The following PNPLA8 variants were observed in gnomAD, a reference collection of about 807,000 sequenced individuals.
The protein encoded by PNPLA8 is calcium-independent phospholipase A2-gamma.
A neutral mutation model predicts 76.9 loss-of-function variants in PNPLA8; 39 were observed. The ratio of observed to expected loss-of-function variants is 0.51; its 90% confidence interval spans 0.39 to 0.66. The LOEUF is 0.66. PNPLA8 is among the 30% of genes least tolerant of loss of function. The probability of loss-of-function intolerance (pLI) is 0.00; values close to 1 mark genes in which losing one functional copy is unlikely to be tolerated. For synonymous variants in PNPLA8, 301 were observed against 307.9 expected, an observed-to-expected ratio of 0.98 and a Z score of 0.24; for missense variants, 887 against 918.0, an observed-to-expected ratio of 0.97 and a Z score of 0.44.
At chr7:108,488,172 T>C (rs1860884126) in intron 8 of PNPLA8, among the ~76,000 whole-genome samples, 1 of 152,108 alleles carries the variant, frequency 6.6e-6, no homozygotes. Flanking sequence ...ATTATGAGAA[T>C]AATAATAAAA....
chr7:108,518,422 A>G (rs983486966), intron 2 of PNPLA8: 8 of 152,110 alleles, frequency 5.3e-5, no homozygotes, highest in African/African-American at 1.9e-4. Flanking sequence ...TATCATAATG[A>G]TGGATAAATA....
chr7:108,474,391 C>T (rs1003821324), intron 10 of PNPLA8, among the ~76,000 whole-genome samples: 2 of 151,824 alleles, frequency 1.3e-5, no homozygotes, highest in Non-Finnish European at 2.9e-5. Context: ...TTTTCAGTGC[C>T]GTAAAGCATT....
At chr7:108,490,800 T>C (rs1055991698) in intron 8 of PNPLA8, among the ~76,000 whole-genome samples, 2 of 150,226 alleles carry the variant, frequency 1.3e-5, no homozygotes, top group East Asian at 3.9e-4. Flanking sequence ...AAAAAAAAAC[T>C]AGGGTAAAAA....
intron 2 of PNPLA8, among the ~76,000 whole-genome samples, chr7:108,516,187 T>G (rs1352730128): frequency 6.6e-6 from 1 of 152,164 alleles, no homozygotes; most frequent in Non-Finnish European, 1.5e-5. Context: ...AAGGGGTTCT[T>G]AACCACTATG....
intron 2 of PNPLA8, among the ~76,000 whole-genome samples, chr7:108,516,714 G>A (rs192846184): frequency 4.7e-4 from 71 of 152,136 alleles, no homozygotes; most frequent in African/African-American, 1.6e-3. Flanking sequence ...CAGCCTGGTC[G>A]GCATGGTGAA....
intron 4 of PNPLA8, among the ~76,000 whole-genome samples, chr7:108,503,367 C>A (rs886465880): frequency 5.9e-5 from 9 of 152,170 alleles, no homozygotes; most frequent in African/African-American, 1.7e-4. Flanking sequence ...TGCTGTGCAA[C>A]CTTCTGTAAA....
upstream of PNPLA8, chr7:108,526,395 T>C (rs42200): frequency 0.39 from 61,128 of 155,182 alleles, 12,548 homozygotes; most frequent in African/African-American, 0.45. Context: ...CGTGGCTTGC[T>C]GGTGGGGCGT....
At chr7:108,508,662 T>C (rs1350822178) in intron 4 of PNPLA8, among the ~76,000 whole-genome samples, 15 of 141,440 alleles carry the variant, frequency 1.1e-4, no homozygotes, top group African/African-American at 4.0e-4. Context: ...CTTCACAGAA[T>C]TGGAAAAAAC....
chr7:108,521,332 T>C (rs548527594), intron 2 of PNPLA8, 144 bp downstream of exon 2: 1 of 153,200 alleles, frequency 6.5e-6, no homozygotes, highest in South Asian at 2.1e-4. Flanking sequence ...AATGAAAGGC[T>C]GAAAATACAG....
intron 5 of PNPLA8, among the ~76,000 whole-genome samples, chr7:108,502,143 T>A (rs1314487518): frequency 1.3e-5 from 2 of 151,524 alleles, no homozygotes; most frequent in African/African-American, 4.8e-5. Flanking sequence ...AATCTGTAGT[T>A]TTTAAGAATC....
At chr7:108,500,402 C>T (rs1382687775) in intron 5 of PNPLA8, among the ~76,000 whole-genome samples, 1 of 152,184 alleles carries the variant, frequency 6.6e-6, no homozygotes, top group Non-Finnish European at 1.5e-5. Flanking sequence ...GAAATAGCCT[C>T]TAAGATCTTT....
chr7:108,475,803 T>A (rs1383927147), intron 10 of PNPLA8, among the ~76,000 whole-genome samples: 1 of 152,194 alleles, frequency 6.6e-6, no homozygotes, highest in African/African-American at 2.4e-5. Context: ...CCTCATTCAT[T>A]CTCCTTTCAG....
At position 108,502,415 on chromosome 7, in the gene PNPLA8, C is replaced by T. The variant is rs1598923774; in HGVS notation, c.1358+76G>A. 3.0e-6 allele frequency: 4 copies of T among 1,342,480 alleles called. No individual in the cohort carries two copies. In the South Asian group the frequency reaches 5.9e-5, roughly 20 times the overall value. 83.2% of individuals were successfully genotyped at this position (1,342,480 alleles called of 1,614,324 possible). A position where few individuals can be genotyped will look rare whatever the true frequency, so the allele number is the denominator to read the frequency against. Reference sequence around the variant, plus strand: ...CTGAGATTGTGCCACTGCACTCCAGCCTGGGCAACAGAGGGAAACTCCATC... The same window carrying T: ...CTGAGATTGTGCCACTGCACTCCAGTCTGGGCAACAGAGGGAAACTCCATC... On this transcript the variant is annotated intron_variant, in intron 5 of 10. Transcript: ENST00000257694.
At chr7:108,495,907 A>T (rs779487210) in intron 7 of PNPLA8, among the ~76,000 whole-genome samples, 2 of 152,242 alleles carry the variant, frequency 1.3e-5, no homozygotes, top group Admixed American at 6.5e-5. Context: ...TACAAAATGT[A>T]TAAGGTCTAA....
At chr7:108,493,924 C>T (rs1861381472) in intron 7 of PNPLA8, among the ~76,000 whole-genome samples, 1 of 151,858 alleles carries the variant, frequency 6.6e-6, no homozygotes. Flanking sequence ...ACTAAATCTA[C>T]AGAATTTGTA....
intron 5 of PNPLA8, 25 bp from the exon 6 acceptor site, chr7:108,497,602 T>G (rs1237659259): frequency 1.5e-6 from 2 of 1,339,556 alleles, no homozygotes; most frequent in Non-Finnish European, 2.1e-6. Context: ...AAAGACAAAA[T>G]GACAATTCCT....
chr7:108,493,408 T>G (rs1861326108), intron 7 of PNPLA8, among the ~76,000 whole-genome samples: 1 of 151,724 alleles, frequency 6.6e-6, no homozygotes, highest in Non-Finnish European at 1.5e-5. Flanking sequence ...AGATATGAAT[T>G]TTATATATAT....
At chr7:108,491,598 T>C in intron 7 of PNPLA8, 131 bp from the exon 8 acceptor site, 1 of 646,574 alleles carries the variant, frequency 1.5e-6, no homozygotes, top group East Asian at 2.7e-5. Context: ...CATGTAAGAC[T>C]CTCCTCTAGG....
chr7:108,514,273 A>G lies in PNPLA8; in HGVS notation c.1077T>C (p.Ile359=), dbSNP rs1863135913. The part of the protein sequence containing the change: ...QREKIIARVS[I]DNRTRALVQA... ...GAACTAATGCCCGGGTCCTGTTATC[A>G]ATACTCACCCTTGCGATAATCTACA... The change falls in exon 4 of 11, where the codon ATT becomes ATC. Residue 359 remains isoleucine, a synonymous_variant. Transcript: ENST00000257694. 1.2e-6 allele frequency: 2 copies of G among 1,611,942 alleles called. No individual in the cohort carries two copies. Among genetic ancestry groups the G allele is most frequent in the Non-Finnish European group, 1.7e-6 (2 of 1,178,320 alleles).
Sources: allele counts gnomAD v4.1 joint callset (sites outside exome capture counted in the v4.1 genomes callset), GRCh38; gene constraint gnomAD v4.1.1; transcripts MANE v1.5; gene names NCBI Gene and HGNC (gene_info 2026-07-23, HGNC 2026-07-21).